The following KLF8 variants were observed in gnomAD, a reference collection of about 807,000 sequenced individuals.
KLF8 encodes KLF transcription factor 8, also known as Krueppel-like factor 8.
KLF8 carries 10 observed loss-of-function variants against 18.2 expected under a neutral mutation model. The observed-to-expected ratio is 0.55, with a 90% CI of 0.34 to 0.93. KLF8 has a LOEUF of 0.93. Among genes scored for constraint, KLF8 ranks in the 40% least tolerant of loss-of-function variants. The pLI is 0.02. For synonymous variants in KLF8, 109 were observed against 97.3 expected, an observed-to-expected ratio of 1.12 and a Z score of -0.71; for missense variants, 264 against 277.9, an observed-to-expected ratio of 0.95 and a Z score of 0.36.
chrX:55,960,150 C>T, the KLF8 span, among the ~76,000 whole-genome samples: 1 of 112,103 alleles, frequency 8.9e-6, no homozygotes, highest in Admixed American at 9.4e-5. Context: ...AACTAAGCTT[C>T]ATAAGTGGAG....
chrX:55,947,776 C>T, the KLF8 span, among the ~76,000 whole-genome samples: 1 of 111,613 alleles, frequency 9.0e-6, no homozygotes, highest in African/African-American at 3.3e-5. Flanking sequence ...AAAATAAATG[C>T]TTTATATTAT....
the KLF8 span, among the ~76,000 whole-genome samples, chrX:56,009,221 G>A: frequency 1.1e-4 from 12 of 110,613 alleles, no homozygotes; most frequent in African/African-American, 1.6e-4. Context: ...AGTCTGGGAC[G>A]GAGCTCCCAG....
chrX:55,946,166 C>A, the KLF8 span, among the ~76,000 whole-genome samples: 1 of 111,283 alleles, frequency 9.0e-6, no homozygotes, highest in Non-Finnish European at 1.9e-5. Flanking sequence ...AAAAAAGAGC[C>A]CACATCGCCA....
the KLF8 span, among the ~76,000 whole-genome samples, chrX:56,119,659 C>T: frequency 9.1e-6 from 1 of 110,057 alleles, no homozygotes; most frequent in Middle Eastern, 4.3e-3. Context: ...CTTTGCCTCC[C>T]AAAGTGCTAG....
intron 1 of KLF8, among the ~76,000 whole-genome samples, chrX:56,249,474 G>A (rs1291442864): frequency 8.9e-6 from 1 of 111,908 alleles, no homozygotes; most frequent in African/African-American, 3.2e-5. Flanking sequence ...TATGTAAGGA[G>A]GAAGCTTTAA....
chrX:56,184,185 C>T, the KLF8 span, among the ~76,000 whole-genome samples: 33 of 112,320 alleles, frequency 2.9e-4, no homozygotes, highest in African/African-American at 5.5e-4. Context: ...TGCGCATTTC[C>T]GACGGGCTTA....
chrX:56,107,999 T>C, the KLF8 span, among the ~76,000 whole-genome samples: 23 of 112,292 alleles, frequency 2.0e-4, no homozygotes, highest in Admixed American at 9.5e-5. Context: ...TAAAAAAATC[T>C]TTTCAGTTGT....
chrX:56,088,596 A>T, the KLF8 span, among the ~76,000 whole-genome samples: 1 of 111,953 alleles, frequency 8.9e-6, no homozygotes, highest in South Asian at 3.7e-4. Context: ...ATATTTTCCC[A>T]AAGTGGCTCT....
the KLF8 span, among the ~76,000 whole-genome samples, chrX:56,146,550 TG>T: frequency 9.1e-6 from 1 of 110,059 alleles, no homozygotes; most frequent in South Asian, 3.9e-4. Flanking sequence ...CATCACACGC[TG>T]GGGCCTGTCT....
the KLF8 span, among the ~76,000 whole-genome samples, chrX:56,053,199 C>G: frequency 8.9e-6 from 1 of 112,435 alleles, no homozygotes; most frequent in Non-Finnish European, 1.9e-5. Context: ...CCCGGTACCT[C>G]AGATGGAAAT....
the KLF8 span, among the ~76,000 whole-genome samples, chrX:56,007,725 AC>A: frequency 9.0e-6 from 1 of 111,553 alleles, no homozygotes; most frequent in South Asian, 3.8e-4. Flanking sequence ...TTTGAAAAAA[AC>A]GTTTTCAAAT....
the KLF8 span, among the ~76,000 whole-genome samples, chrX:56,038,348 G>C: frequency 9.0e-6 from 1 of 111,700 alleles, no homozygotes; most frequent in Non-Finnish European, 1.9e-5. Flanking sequence ...GCATCCATTA[G>C]CTATTCTTGA....
the KLF8 span, chrX:56,014,817 G>GTTTTTTTT: frequency 1.7e-4 from 10 of 59,368 alleles, no homozygotes; most frequent in African/African-American, 6.4e-4. Context: ...ACAAGATCAT[G>GTTTTTTTT]TTTTTTTTTT....
At chrX:55,945,537 G>A in the KLF8 span, among the ~76,000 whole-genome samples, 1 of 111,044 alleles carries the variant, frequency 9.0e-6, no homozygotes, top group Non-Finnish European at 1.9e-5. Flanking sequence ...ATATCATACT[G>A]AATGGGCAAA....
the KLF8 span, among the ~76,000 whole-genome samples, chrX:55,946,821 G>A: frequency 9.0e-6 from 1 of 110,992 alleles, no homozygotes; most frequent in Admixed American, 9.6e-5. Context: ...CAAAAAGTGG[G>A]CAAAGGACAT....
intron 5 of KLF8, among the ~76,000 whole-genome samples, chrX:56,276,729 C>T (rs1164842233): frequency 1.8e-5 from 2 of 111,256 alleles, no homozygotes; most frequent in African/African-American, 6.5e-5. Context: ...TTGAGGTGGT[C>T]TTCTTTGGGT....
At chrX:55,941,563 C>T in the KLF8 span, among the ~76,000 whole-genome samples, 6 of 111,627 alleles carry the variant, frequency 5.4e-5, no homozygotes, top group African/African-American at 1.3e-4. Flanking sequence ...CAAAAGAAAC[C>T]ACCATCAGAG....
the KLF8 span, among the ~76,000 whole-genome samples, chrX:55,952,245 GA>G: frequency 8.9e-6 from 1 of 112,065 alleles, no homozygotes; most frequent in Non-Finnish European, 1.9e-5. Context: ...AAACGTTGAA[GA>G]GAGAAATACT....
rs139841730 is a variant in KLF8 at position 56,265,423 on chromosome X, C to A, written c.325C>A (p.Arg109Ser). 2.2e-5 allele frequency: 26 copies of A among 1,209,252 alleles called. No homozygotes were observed. The Admixed American group carries it at 5.5e-4, about 25-fold the overall frequency. The change falls in exon 3 of 6, where the codon CGT becomes AGT. Residue 109 changes from arginine to serine, a missense_variant. Coordinates refer to ENST00000468660, the MANE Select transcript of KLF8 (RefSeq NM_007250.5). ...TGCTAGCATGCTACAAGCTCCAATA[C>A]GTCCCCCCAAGCCACAGTCTTCTCC... Reference protein sequence around the residue: ...QPASMLQAPIRPPKPQSSPQT... With the variant: ...QPASMLQAPISPPKPQSSPQT...
Sources: allele counts gnomAD v4.1 joint callset (sites outside exome capture counted in the v4.1 genomes callset), GRCh38; gene constraint gnomAD v4.1.1; transcripts MANE v1.5; gene names NCBI Gene and HGNC (gene_info 2026-07-23, HGNC 2026-07-21).